The following METTL24 variants were observed in gnomAD, a reference collection of about 807,000 sequenced individuals.
The protein encoded by METTL24 is probable methyltransferase-like protein 24.
A neutral mutation model predicts 32.7 loss-of-function variants in METTL24; 29 were observed. The observed-to-expected ratio is 0.89, with a 90% CI of 0.66 to 1.21. METTL24 has a LOEUF of 1.21. Among genes scored for constraint, METTL24 ranks in the 50% most tolerant of loss-of-function variants. METTL24 has a pLI of 0.00. For synonymous variants in METTL24, 163 were observed against 179.5 expected (o/e 0.91, Z 0.73); for missense variants, 439 against 468.1 (o/e 0.94, Z 0.57).
intron 4 of METTL24, among the ~76,000 whole-genome samples, chr6:110,263,236 A>C (rs1258803836): frequency 6.6e-6 from 1 of 152,206 alleles, no homozygotes; most frequent in African/African-American, 2.4e-5. Flanking sequence ...ATCTCAGCCC[A>C]AAATCTCCTT....
At chr6:110,307,554 G>A (rs1032400512) in intron 3 of METTL24, among the ~76,000 whole-genome samples, 17 of 152,182 alleles carry the variant, frequency 1.1e-4, no homozygotes, top group South Asian at 2.1e-4. Context: ...AAAAGGGGAA[G>A]TGATAGTCTC....
chr6:110,320,474 T>G (rs543001855), intron 2 of METTL24, among the ~76,000 whole-genome samples: 1 of 152,320 alleles, frequency 6.6e-6, no homozygotes, highest in Non-Finnish European at 1.5e-5. Context: ...GACTCCCATC[T>G]GCTGGCCTTC....
chr6:110,356,169 C>T (rs1486770962), intron 1 of METTL24, among the ~76,000 whole-genome samples: 1 of 152,144 alleles, frequency 6.6e-6, no homozygotes, highest in Non-Finnish European at 1.5e-5. Context: ...GTTGGCCAGG[C>T]GCAGTGGCTC....
intron 3 of METTL24, among the ~76,000 whole-genome samples, chr6:110,299,736 A>G (rs1038275213): frequency 1.3e-5 from 2 of 152,226 alleles, no homozygotes; most frequent in African/African-American, 4.8e-5. Flanking sequence ...AATTCACATC[A>G]AAAGGGGAAG....
At chr6:110,346,987 G>T (rs776974951) in intron 1 of METTL24, among the ~76,000 whole-genome samples, 1 of 151,722 alleles carries the variant, frequency 6.6e-6, no homozygotes, top group African/African-American at 2.4e-5. Context: ...TTATTTTTCT[G>T]TTCAGTTTTC....
intron 4 of METTL24, among the ~76,000 whole-genome samples, chr6:110,258,598 A>G (rs532307504): frequency 1.3e-5 from 2 of 152,206 alleles, no homozygotes; most frequent in Middle Eastern, 3.4e-3. Flanking sequence ...GGATAGGTGG[A>G]TGGTTAAATG....
At chr6:110,319,418 G>GAGATAGATAGAT (rs10659634) in intron 2 of METTL24, among the ~76,000 whole-genome samples, 6,692 of 148,712 alleles carry the variant, frequency 0.045, 160 homozygotes, top group South Asian at 0.052. Context: ...TAGAGAGGTA[G>GAGATAGATAGAT]AGATAGATAG....
chr6:110,265,140 A>G (rs552166303), intron 4 of METTL24, among the ~76,000 whole-genome samples: 144 of 13,564 alleles, frequency 0.011, 1 homozygote, highest in African/African-American at 0.069. Context: ...AAAGAAAGAA[A>G]GAAAGAAAGA....
In METTL24 at chr6:110,268,334, G is replaced by A. The variant is rs573374464; in HGVS notation, c.787-22074C>T. On this transcript the variant is annotated intron_variant, in intron 4 of 4. Transcript: ENST00000338882. ...GTGGTGGAATCAGGATTCTAACTGG[G>A]TCTGACTTCAAAACAGGGGTTCTTG... Among the ~76,000 whole-genome samples the A allele has an allele frequency of 1.6e-4, 25 of 152,168 alleles. No individual in the cohort carries two copies. The South Asian group carries it at 5.2e-3, about 32-fold the overall frequency.
intron 1 of METTL24, among the ~76,000 whole-genome samples, chr6:110,349,993 G>A (rs182768872): frequency 5.2e-4 from 79 of 152,260 alleles, no homozygotes; most frequent in Admixed American, 1.7e-3. Flanking sequence ...ATAGAACCTC[G>A]GCCACTGAGC....
rs754038696 is a variant in METTL24, at chr6:110,322,801, C to T, written c.390G>A (p.Arg130=). ...GGGTGGTGCTGATATATCTCAGGAACCTCCAGGCTTCTTCATCCAGGGACT... is the reference window on the plus strand; with the variant it reads ...GGGTGGTGCTGATATATCTCAGGAATCTCCAGGCTTCTTCATCCAGGGACT... ...SAQSLDEEAW[R]FLRYISTTQI... The change falls in exon 2 of 5, where the codon AGG becomes AGA. Residue 130 remains arginine (R), a synonymous_variant. Transcript: ENST00000338882. 1 of 1,613,830 alleles carries T rather than the reference C, an allele frequency of 6.2e-7. No homozygotes were observed.
Position 110,276,199 on chromosome 6 carries a change from A to G in METTL24, c.786+22723T>C, listed in dbSNP as rs117395987. 1.5e-3 allele frequency among the ~76,000 whole-genome samples: 232 copies of G among 152,336 alleles called. 7 individuals carry two copies. The East Asian group carries it at 0.041, about 27-fold the overall frequency. On this transcript the variant is annotated intron_variant, in intron 4 of 4. Coordinates refer to ENST00000338882, the MANE Select transcript of METTL24 (RefSeq NM_001123364.3). ...TATAATCCCAGCACTTTAAGAGGCC[A>G]AGGCCCAAGGATTGCATAAGGCCAG...
chr6:110,341,241 C>T (rs1472482594), intron 1 of METTL24, among the ~76,000 whole-genome samples: 1 of 152,188 alleles, frequency 6.6e-6, no homozygotes, highest in African/African-American at 2.4e-5. Context: ...AAACAGGCTC[C>T]AATCTGTGCT....
intron 3 of METTL24, among the ~76,000 whole-genome samples, chr6:110,314,881 T>C (rs1391082648): frequency 1.3e-5 from 2 of 152,042 alleles, no homozygotes; most frequent in Admixed American, 1.3e-4. Context: ...GGAAGATCAC[T>C]GGAGCCTGAG....
At position 110,358,164 on chromosome 6, in the gene METTL24, C is replaced by A; in HGVS notation, c.109G>T (p.Gly37Trp). The change falls in exon 1 of 5, where the codon GGG (glycine) becomes TGG (tryptophan). Residue 37 changes from glycine (G) to tryptophan (W), a missense_variant. Transcript: ENST00000338882. ...GCGCTGCGGGTGGGGGACCCGGGCC[C>A]GGCGCGCCGCAGCTCTGCGCAGAGC... ...LRLCAELRRA[G>W]PGSPTRSAPP... 8.2e-7 allele frequency: 1 copy of A among 1,215,074 alleles called. No individual in the cohort carries two copies. Among genetic ancestry groups the A allele is most frequent in the South Asian group, 3.6e-5 (1 of 27,938 alleles). 75.3% of individuals were successfully genotyped at this position (1,215,074 alleles called of 1,614,324 possible).
At chr6:110,260,967 C>T (rs1770709541) in intron 4 of METTL24, among the ~76,000 whole-genome samples, 1 of 152,134 alleles carries the variant, frequency 6.6e-6, no homozygotes, top group African/African-American at 2.4e-5. Flanking sequence ...CTGAAGGAAG[C>T]ACTAAACATG....
intron 3 of METTL24, among the ~76,000 whole-genome samples, chr6:110,302,952 A>G (rs1249562777): frequency 1.3e-5 from 2 of 152,032 alleles, no homozygotes; most frequent in East Asian, 3.9e-4. Flanking sequence ...TGCATGTCCA[A>G]CTGAGGTACC....
chr6:110,300,492 C>G (rs765958654), intron 3 of METTL24, among the ~76,000 whole-genome samples: 10 of 148,876 alleles, frequency 6.7e-5, no homozygotes, highest in Admixed American at 1.3e-4. Context: ...GTGATCTCAG[C>G]TCACTGCAAC....
At position 110,259,500 on chromosome 6, in the gene METTL24, G is replaced by A. The variant is rs538119451; in HGVS notation, c.787-13240C>T. Among the ~76,000 whole-genome samples the A allele has an allele frequency of 4.3e-3, 662 of 152,376 alleles. 10 individuals carry two copies. The highest frequency in any genetic ancestry group is 0.016 in the African/African-American group (647 of 41,586). ...GAACTGGGTGGAGCCCACCACAGCT[G>A]AAGGAGGCCTGCCTGCCTCTGTGGA... On this transcript the variant is annotated intron_variant, in intron 4 of 4. Coordinates refer to ENST00000338882, the MANE Select transcript of METTL24 (RefSeq NM_001123364.3).
Sources: allele counts gnomAD v4.1 joint callset (sites outside exome capture counted in the v4.1 genomes callset), GRCh38; gene constraint gnomAD v4.1.1; transcripts MANE v1.5; gene names NCBI Gene and HGNC (gene_info 2026-07-23, HGNC 2026-07-21).